DCC: variants seen among roughly 807,000 people sequenced by gnomAD.
DCC encodes netrin receptor DCC.
DCC carries 58 observed loss-of-function variants against 172.5 expected under a neutral mutation model. The ratio of observed to expected loss-of-function variants is 0.34; its 90% confidence interval spans 0.27 to 0.42. DCC has a LOEUF of 0.42. Among genes scored for constraint, DCC ranks in the 10% least tolerant of loss-of-function variants. DCC has a pLI of 1.00. For missense variants in DCC, 1,740 were observed against 1,791.0 expected (o/e 0.97, Z 0.51); for synonymous variants, 709 against 644.5 (o/e 1.10, Z -1.52).
chr18:52,966,515 T>TA (rs2145577942), intron 5 of DCC, among the ~76,000 whole-genome samples: 1 of 152,222 alleles, frequency 6.6e-6, no homozygotes, highest in African/African-American at 2.4e-5. Context: ...AGCTGGCTTC[T>TA]GGTGGAGGGA....
At chr18:53,392,433 A>C (rs11082989) in intron 17 of DCC, among the ~76,000 whole-genome samples, 64,727 of 152,030 alleles carry the variant, frequency 0.43, 15,563 homozygotes, top group Non-Finnish European at 0.55. Flanking sequence ...CCACACTCCC[A>C]TTTAGCTAAT....
chr18:53,348,065 A>T (rs932003596), intron 15 of DCC, among the ~76,000 whole-genome samples: 2 of 152,162 alleles, frequency 1.3e-5, no homozygotes, highest in African/African-American at 4.8e-5. Flanking sequence ...CCTTCCCAGC[A>T]GTCCCCCAAA....
Position 52,872,153 on chromosome 18 carries a change from G to A in DCC, c.413-33891G>A, listed in dbSNP as rs116757211. The stretch of plus-strand genomic sequence containing the variant: ...AGAGGACCAAAGAGGGATTATCCCC[G>A]CTCCCCAATTGGGTTCAGGAGCTTA... On this transcript the variant is annotated intron_variant, in intron 2 of 28. Coordinates refer to ENST00000442544, the MANE Select transcript of DCC (RefSeq NM_005215.4). 7.4e-3 allele frequency among the ~76,000 whole-genome samples: 1,125 copies of A among 152,186 alleles called. 9 individuals are homozygous for A. Among genetic ancestry groups the A allele is most frequent in the African/African-American group, 0.025 (1,034 of 41,522 alleles).
In DCC at chr18:52,752,110, G is replaced by A. The variant is rs148156622; in HGVS notation, c.148G>A (p.Val50Ile). 1.6e-5 allele frequency: 26 copies of A among 1,614,106 alleles called. No individual in the cohort carries two copies. The highest frequency in any genetic ancestry group is 5.3e-5 in the African/African-American group (4 of 75,020). The change falls in exon 2 of 29, where the codon GTC (valine) becomes ATC (isoleucine). Residue 50 changes from valine (V) to isoleucine (I), a missense_variant. Val to Ile is a conservative substitution (Grantham distance 29, BLOSUM62 3). Around this residue, in one of 2 missense-constraint regions of DCC, gnomAD observed 1,732 missense variants for 1,767.4 expected, o/e 0.98. Coordinates refer to ENST00000442544, the MANE Select transcript of DCC (RefSeq NM_005215.4). The part of the protein sequence containing the change: ...LRFLSEPSDA[V>I]TMRGGNVLLD... ...CTTCCTCTCAGAACCTTCTGATGCC[G>A]TCACAATGCGGGGAGGAAATGTCCT...
chr18:52,575,365 G>A (rs1157101207), intron 1 of DCC, among the ~76,000 whole-genome samples: 1 of 152,156 alleles, frequency 6.6e-6, no homozygotes, highest in Non-Finnish European at 1.5e-5. Context: ...GGATAGAGGT[G>A]CGTTATACTC....
intron 2 of DCC, among the ~76,000 whole-genome samples, chr18:52,901,432 AAAAT>A (rs145752908): frequency 2.1e-3 from 318 of 151,912 alleles, no homozygotes; most frequent in Middle Eastern, 6.8e-3. Context: ...ACTCGGGCTC[AAAAT>A]AAATAAATAA....
chr18:52,460,551 A>T (rs547147794), intron 1 of DCC, among the ~76,000 whole-genome samples: 1 of 152,236 alleles, frequency 6.6e-6, no homozygotes, highest in East Asian at 1.9e-4. Context: ...AAGTTCTGAG[A>T]AATGCATCAC....
chr18:53,153,633 A>G (rs551911660), intron 7 of DCC, among the ~76,000 whole-genome samples: 1 of 152,218 alleles, frequency 6.6e-6, no homozygotes, highest in Admixed American at 6.5e-5. Context: ...TTAAAGATTT[A>G]AAAACATGCT....
intron 1 of DCC, among the ~76,000 whole-genome samples, chr18:52,539,618 T>A (rs553438406): frequency 6.6e-6 from 1 of 152,302 alleles, no homozygotes; most frequent in South Asian, 2.1e-4. Context: ...CCTGAATCCA[T>A]GCCCCCGGCC....
chr18:53,468,363 T>TTTATTTATTTATTTTATTTA (rs1555675962), intron 25 of DCC, among the ~76,000 whole-genome samples: 45 of 54,730 alleles, frequency 8.2e-4, no homozygotes, highest in South Asian at 1.8e-3. Context: ...TATTTATTTA[T>TTTATTTATTTATTTTATTTA]TTTATTTATT....
chr18:52,475,240 G>A (rs1275246604), intron 1 of DCC, among the ~76,000 whole-genome samples: 1 of 152,086 alleles, frequency 6.6e-6, no homozygotes, highest in African/African-American at 2.4e-5. Flanking sequence ...TTCCAGATGG[G>A]AAATAGAATG....
chr18:52,748,185 G>A (rs547801296), intron 1 of DCC, among the ~76,000 whole-genome samples: 2 of 152,298 alleles, frequency 1.3e-5, no homozygotes, highest in East Asian at 1.9e-4. Flanking sequence ...TTTAGGTGCC[G>A]GCACAGGCGC....
At chr18:53,520,380 ATTATTTTACATAAAAATGTTCAT>A (rs1257588973) in intron 27 of DCC, among the ~76,000 whole-genome samples, 1 of 152,112 alleles carries the variant, frequency 6.6e-6, no homozygotes, top group African/African-American at 2.4e-5. Context: ...CAGCAGACTG[ATTATTTTACATAAAAATGTTCAT>A]TTGGTTTAAA....
At position 52,390,630 on chromosome 18, in the gene DCC, C is replaced by T. The variant is rs191935196; in HGVS notation, c.91+49752C>T. Among the ~76,000 whole-genome samples, 24 of 152,152 alleles carry T rather than the reference C, an allele frequency of 1.6e-4. No individual in the cohort carries two copies. In the East Asian group the frequency reaches 2.9e-3, roughly 18 times the overall value. ...CTGAAGAAACCCAGGTTGGCATCTG[C>T]TCTTGTCACATGGTGGAGTTCGCAG... On this transcript the variant is annotated intron_variant, in intron 1 of 28. Coordinates refer to ENST00000442544, the MANE Select transcript of DCC (RefSeq NM_005215.4).
intron 5 of DCC, among the ~76,000 whole-genome samples, chr18:53,011,646 G>A (rs1257207582): frequency 2.0e-5 from 3 of 151,748 alleles, no homozygotes. Flanking sequence ...TTTTGTATTT[G>A]CATATGTTTA....
chr18:52,828,397 T>G (rs901177619), intron 2 of DCC, among the ~76,000 whole-genome samples: 2 of 152,000 alleles, frequency 1.3e-5, no homozygotes, highest in African/African-American at 2.4e-5. Context: ...CAAAAGACAC[T>G]TACAACCCCG....
At chr18:53,084,773 T>C (rs1476371363) in intron 7 of DCC, among the ~76,000 whole-genome samples, 1 of 152,154 alleles carries the variant, frequency 6.6e-6, no homozygotes, top group Admixed American at 6.6e-5. Flanking sequence ...AACAAACATA[T>C]GTAATTTGAA....
intron 1 of DCC, among the ~76,000 whole-genome samples, chr18:52,544,472 A>G (rs1180216888): frequency 6.7e-6 from 1 of 148,978 alleles, no homozygotes; most frequent in Non-Finnish European, 1.5e-5. Context: ...TTGTGGCACC[A>G]CAAGACATTC....
At chr18:52,839,321 A>G (rs1245698099) in intron 2 of DCC, among the ~76,000 whole-genome samples, 1 of 152,200 alleles carries the variant, frequency 6.6e-6, no homozygotes, top group Non-Finnish European at 1.5e-5. Flanking sequence ...GTCATCATTT[A>G]TCACAATAAA....
Sources: allele counts gnomAD v4.1 joint callset (sites outside exome capture counted in the v4.1 genomes callset), GRCh38; gene constraint gnomAD v4.1.1; regional missense constraint gnomAD v4.1.1; transcripts MANE v1.5; gene names NCBI Gene and HGNC (gene_info 2026-07-23, HGNC 2026-07-21).